The following DAB1 variants were observed in gnomAD, a reference collection of about 807,000 sequenced individuals.
DAB1 encodes the protein DAB adaptor protein 1, also known as disabled homolog 1.
In DAB1, 15 loss-of-function variants were observed where a neutral mutation model predicts 64.6. The observed-to-expected ratio is 0.23, with a 90% CI of 0.16 to 0.36. The LOEUF is 0.36. Among genes scored for constraint, DAB1 ranks in the 10% least tolerant of loss-of-function variants. DAB1 has a pLI of 1.00. For synonymous variants in DAB1, 235 were observed against 251.9 expected (o/e 0.93, Z 0.64); for missense variants, 596 against 706.7 (o/e 0.84, Z 1.78).
chr1:58,394,432 T>C (rs1312528412), intron 3 of DAB1, among the ~76,000 whole-genome samples: 4 of 152,240 alleles, frequency 2.6e-5, no homozygotes, highest in African/African-American at 9.6e-5. Context: ...CATGGCAGCC[T>C]TATTCTCAAC....
rs147201223 is a variant in DAB1 at position 58,287,225 on chromosome 1, G to A, written n.309+56127C>T. 2.8e-3 allele frequency among the ~76,000 whole-genome samples: 423 copies of A among 152,172 alleles called. 1 individual carries two copies. The highest frequency in any genetic ancestry group is 6.8e-3 in the Middle Eastern group (2 of 292). On this transcript the variant is annotated intron_variant and non_coding_transcript_variant, in intron 4 of 20. Coordinates refer to the DAB1 transcript ENST00000485760. Reference sequence around the variant, plus strand: ...AATGCATGTTGGGCTTAATACCTAGGTGATGAGTTGATAGGTGCAGCAAAT... The same window carrying A: ...AATGCATGTTGGGCTTAATACCTAGATGATGAGTTGATAGGTGCAGCAAAT...
intron 4 of DAB1, among the ~76,000 whole-genome samples, chr1:58,220,892 T>C (rs199964816): frequency 9.0e-5 from 11 of 121,580 alleles, no homozygotes; most frequent in South Asian, 5.4e-4. Flanking sequence ...CACACACACA[T>C]ATATATATTA....
At chr1:57,265,105 G>C (rs949126168) in intron 2 of DAB1, among the ~76,000 whole-genome samples, 1 of 152,184 alleles carries the variant, frequency 6.6e-6, no homozygotes, top group African/African-American at 2.4e-5. Flanking sequence ...GCAGCCCCAG[G>C]ATGGGATGCC....
chr1:57,281,273 T>C (rs537062065), intron 2 of DAB1, among the ~76,000 whole-genome samples: 158 of 152,296 alleles, frequency 1.0e-3, no homozygotes, highest in African/African-American at 3.6e-3. Flanking sequence ...GCACACAGCA[T>C]GGTCATGACC....
At chr1:58,355,064 T>G (rs1442894778) in intron 3 of DAB1, among the ~76,000 whole-genome samples, 1 of 152,226 alleles carries the variant, frequency 6.6e-6, no homozygotes, top group Non-Finnish European at 1.5e-5. Flanking sequence ...ACGTCTCCTG[T>G]GTGCTGTTCT....
intron 2 of DAB1, among the ~76,000 whole-genome samples, chr1:57,195,954 G>C (rs1202505919): frequency 6.6e-6 from 1 of 152,028 alleles, no homozygotes; most frequent in African/African-American, 2.4e-5. Context: ...AATAGTACAT[G>C]TATGAATTTA....
At chr1:58,341,323 G>A (rs1444516210) in intron 4 of DAB1, among the ~76,000 whole-genome samples, 1 of 152,080 alleles carries the variant, frequency 6.6e-6, no homozygotes, top group Non-Finnish European at 1.5e-5. Flanking sequence ...CTGTGGCCCA[G>A]GAAAGTCGCA....
At chr1:57,734,445 A>G (rs183014255) in intron 6 of DAB1, among the ~76,000 whole-genome samples, 90 of 152,348 alleles carry the variant, frequency 5.9e-4, no homozygotes, top group African/African-American at 2.0e-3. Flanking sequence ...TGAGGATTGG[A>G]TTTATAACTC....
chr1:58,257,541 C>T (rs558961359), intron 4 of DAB1, among the ~76,000 whole-genome samples: 6 of 152,288 alleles, frequency 3.9e-5, no homozygotes, highest in African/African-American at 9.6e-5. Flanking sequence ...TGCATGAGGG[C>T]ACAGCATGTG....
At chr1:57,256,114 C>T (rs539269555) in intron 2 of DAB1, among the ~76,000 whole-genome samples, 20 of 152,160 alleles carry the variant, frequency 1.3e-4, no homozygotes, top group Non-Finnish European at 1.9e-4. Flanking sequence ...TCCCTTATTA[C>T]TTTAAAGGCA....
At chr1:57,743,295 A>G (rs1044493736) in intron 6 of DAB1, among the ~76,000 whole-genome samples, 51 of 152,312 alleles carry the variant, frequency 3.3e-4, no homozygotes, top group Admixed American at 2.9e-3. Flanking sequence ...TAACTGATCA[A>G]TGTACTTTGT....
At chr1:57,255,033 A>G (rs74076002) in intron 2 of DAB1, among the ~76,000 whole-genome samples, 1,815 of 152,304 alleles carry the variant, frequency 0.012, 30 homozygotes, top group Middle Eastern at 0.034. Flanking sequence ...TGAATCCCCA[A>G]CATTCAAAAC....
At chr1:57,956,859 G>C (rs536601087) in intron 5 of DAB1, among the ~76,000 whole-genome samples, 1 of 152,308 alleles carries the variant, frequency 6.6e-6, no homozygotes, top group East Asian at 1.9e-4. Flanking sequence ...AAAGACTTTG[G>C]GAGGTATTGG....
At chr1:57,951,243 T>G (rs1361927586) in intron 5 of DAB1, among the ~76,000 whole-genome samples, 2 of 148,186 alleles carry the variant, frequency 1.3e-5, no homozygotes, top group African/African-American at 2.5e-5. Flanking sequence ...AAAGGAAGGA[T>G]AGACATTGGG....
chr1:58,228,819 T>A, intron 4 of DAB1: 3 of 693,970 alleles, frequency 4.3e-6, no homozygotes, highest in Non-Finnish European at 7.7e-6. Flanking sequence ...CCAGTCCAGG[T>A]AGACATAACC....
chr1:58,152,301 T>A (rs191167116), intron 4 of DAB1, among the ~76,000 whole-genome samples: 40 of 152,250 alleles, frequency 2.6e-4, no homozygotes, highest in Admixed American at 2.2e-3. Context: ...GGGCAAGTAT[T>A]TGCCTAATAA....
At chr1:58,272,714 T>C (rs4265452) in intron 4 of DAB1, among the ~76,000 whole-genome samples, 99,837 of 151,034 alleles carry the variant, frequency 0.66, 34,104 homozygotes, top group East Asian at 0.87. Context: ...TGCTCCTGTA[T>C]TGGGTGCATA....
chr1:57,289,767 C>A (rs1020493880), intron 2 of DAB1, among the ~76,000 whole-genome samples: 2 of 152,180 alleles, frequency 1.3e-5, no homozygotes, highest in Non-Finnish European at 2.9e-5. Context: ...TGACAGATTT[C>A]AAGACCTGAG....
At chr1:58,355,581 A>AT (rs1644102975) in intron 3 of DAB1, among the ~76,000 whole-genome samples, 1 of 152,136 alleles carries the variant, frequency 6.6e-6, no homozygotes, top group African/African-American at 2.4e-5. Flanking sequence ...ATCTCACCCA[A>AT]TTTGATGCTC....
Sources: gnomAD v4.1 joint callset for allele counts (sites outside exome capture counted in the v4.1 genomes callset) on GRCh38, gnomAD v4.1.1 for gene constraint, MANE v1.5 for transcripts, NCBI Gene and HGNC (gene_info 2026-07-23, HGNC 2026-07-21) for gene names.